The following SEZ6L variants were observed in gnomAD, a reference collection of about 807,000 sequenced individuals.
SEZ6L encodes seizure 6-like protein.
Under a neutral mutation model 106.2 loss-of-function variants are expected in SEZ6L, and 37 were observed. The observed-to-expected ratio is 0.35, with a 90% confidence interval of 0.27 to 0.46. The LOEUF (loss-of-function observed/expected upper bound fraction) is 0.46. Ranked by LOEUF, SEZ6L falls within the 20% of genes least tolerant of loss-of-function variation. The pLI, the probability that SEZ6L is intolerant of heterozygous loss-of-function variation, is 1.00. For missense variants in SEZ6L, 1,172 were observed against 1,332.8 expected (o/e 0.88, Z 1.88); for synonymous variants, 541 against 570.4 (o/e 0.95, Z 0.73).
chr22:26,355,363 G>T (rs2083407838), intron 12 of SEZ6L, among the ~76,000 whole-genome samples: 1 of 152,178 alleles, frequency 6.6e-6, no homozygotes, highest in Non-Finnish European at 1.5e-5. Flanking sequence ...TCAGCTTTTG[G>T]GCAAACCTCT....
At chr22:26,266,578 T>A (rs1258384376) in intron 1 of SEZ6L, among the ~76,000 whole-genome samples, 1 of 11,070 alleles carries the variant, frequency 9.0e-5, no homozygotes, top group Non-Finnish European at 1.7e-4. Context: ...GTCTCAAAAA[T>A]AAATAAATAA....
chr22:26,323,030 G>A (rs985048010), intron 9 of SEZ6L, among the ~76,000 whole-genome samples: 2 of 152,230 alleles, frequency 1.3e-5, no homozygotes, highest in African/African-American at 4.8e-5. Flanking sequence ...AGATCCGAGA[G>A]GGGCCCCAAG....
intron 1 of SEZ6L, among the ~76,000 whole-genome samples, chr22:26,193,930 G>T (rs866760488): frequency 2.0e-5 from 3 of 152,210 alleles, no homozygotes; most frequent in Non-Finnish European, 2.9e-5. Flanking sequence ...GAGACTTAGA[G>T]GCTGGGGGGA....
rs1321308503 is a variant in SEZ6L at position 26,328,691 on chromosome 22, CA to C, written c.2016-11744del. On this transcript the variant is annotated intron_variant, in intron 9 of 16. Coordinates refer to ENST00000248933, the MANE Select transcript of SEZ6L (RefSeq NM_021115.5). ...GCTTGAGCTGCCCGTGGGGCAGGCC[CA>C]GGGGGACGGCAGGCCGAGAGCAGGA... is the stretch of plus-strand genomic sequence containing the variant. Among the ~76,000 whole-genome samples, 3 of 152,152 alleles carry C rather than the reference CA, an allele frequency of 2.0e-5. No individual in the cohort carries two copies. The East Asian group carries it at 5.8e-4, about 29-fold the overall frequency.
At chr22:26,268,345 T>A (rs759553771) in intron 1 of SEZ6L, among the ~76,000 whole-genome samples, 4 of 152,162 alleles carry the variant, frequency 2.6e-5, no homozygotes, top group Non-Finnish European at 4.4e-5. Context: ...AGGCATCTTG[T>A]TTAGCCTAGC....
intron 1 of SEZ6L, among the ~76,000 whole-genome samples, chr22:26,276,127 T>G (rs959829571): frequency 1.3e-5 from 2 of 152,222 alleles, no homozygotes; most frequent in Non-Finnish European, 2.9e-5. Context: ...CTGTCCCTGT[T>G]GTGTCTAAAG....
At chr22:26,378,065 G>A (rs868303724) in intron 16 of SEZ6L, among the ~76,000 whole-genome samples, 5 of 151,788 alleles carry the variant, frequency 3.3e-5, no homozygotes, top group Non-Finnish European at 5.9e-5. Context: ...GTGGCCTGGT[G>A]GCAACGTGCT....
At chr22:26,340,001 G>A (rs778176588) in intron 9 of SEZ6L, among the ~76,000 whole-genome samples, 2 of 152,168 alleles carry the variant, frequency 1.3e-5, no homozygotes, top group African/African-American at 2.4e-5. Context: ...TTGGGAGGCC[G>A]AGGTGGGCAG....
chr22:26,253,465 G>A (rs934621853), intron 1 of SEZ6L, among the ~76,000 whole-genome samples: 3 of 152,026 alleles, frequency 2.0e-5, no homozygotes, highest in Non-Finnish European at 4.4e-5. Context: ...CTTTCTCAAC[G>A]TTTTCACCTA....
rs181713309 is a variant in SEZ6L, at chr22:26,322,554, G to C, written c.2015+8652G>C. ...GAATTATGGAAATATCCCTGAGAAG[G>C]TGACATCCAGAAGGAATCTTGAAGA... is the stretch of plus-strand genomic sequence containing the variant. On this transcript the variant is annotated intron_variant, in intron 9 of 16. Coordinates refer to ENST00000248933, the MANE Select transcript of SEZ6L (RefSeq NM_021115.5). Among the ~76,000 whole-genome samples, 30 of 152,320 alleles carry C rather than the reference G, an allele frequency of 2.0e-4. No individual in the cohort carries two copies. In the East Asian group the frequency reaches 3.3e-3, roughly 17 times the overall value.
chr22:26,376,424 G>A (rs2084225845), intron 15 of SEZ6L, among the ~76,000 whole-genome samples: 1 of 152,074 alleles, frequency 6.6e-6, no homozygotes. Flanking sequence ...TGACATTTGA[G>A]CAAGGACTTG....
At chr22:26,361,523 AT>A (rs58192927) in intron 12 of SEZ6L, among the ~76,000 whole-genome samples, 17,403 of 95,232 alleles carry the variant, frequency 0.18, 1,180 homozygotes, top group South Asian at 0.3. Flanking sequence ...AAAAAAAAAT[AT>A]ATATATATAT....
chr22:26,253,565 T>C lies in SEZ6L; in HGVS notation c.95-38841T>C, dbSNP rs959327872. Among the ~76,000 whole-genome samples the C allele has an allele frequency of 2.0e-5, 3 of 152,344 alleles. 1 individual carries two copies. The South Asian group carries it at 6.2e-4, about 32-fold the overall frequency. On this transcript the variant is annotated intron_variant, in intron 1 of 16. Transcript: ENST00000248933. ...TGCCGAGCTCATTGCTTGTACAAAA[T>C]AGATGCCCAGAAAATGCTTGTTGAA...
chr22:26,271,644 G>T (rs1249086225), intron 1 of SEZ6L, among the ~76,000 whole-genome samples: 1 of 152,102 alleles, frequency 6.6e-6, no homozygotes, highest in South Asian at 2.1e-4. Flanking sequence ...TCTCTCTCTT[G>T]TTTCTGTTCT....
chr22:26,300,930 TGACA>T (rs1243070774), intron 5 of SEZ6L, among the ~76,000 whole-genome samples: 5 of 152,300 alleles, frequency 3.3e-5, no homozygotes, highest in African/African-American at 1.2e-4. Flanking sequence ...TTTCACTTAC[TGACA>T]GTGTTATTTG....
intron 12 of SEZ6L, among the ~76,000 whole-genome samples, chr22:26,351,897 ACCTG>A (rs1014957216): frequency 4.4e-4 from 66 of 151,170 alleles, no homozygotes; most frequent in African/African-American, 1.6e-3. Context: ...GGTGGCTCAC[ACCTG>A]TAATCCCAGC....
intron 13 of SEZ6L, among the ~76,000 whole-genome samples, chr22:26,366,375 T>C (rs1376710406): frequency 6.6e-6 from 1 of 151,498 alleles, no homozygotes; most frequent in Non-Finnish European, 1.5e-5. Context: ...TTATCATATA[T>C]CACAATTATG....
chr22:26,241,518 A>G (rs970579857), intron 1 of SEZ6L: 1 of 152,204 alleles, frequency 6.6e-6, no homozygotes, highest in Non-Finnish European at 1.5e-5. Context: ...GCCCCAGCAT[A>G]TTAAACAGCC....
intron 1 of SEZ6L, among the ~76,000 whole-genome samples, chr22:26,218,140 T>G (rs949397289): frequency 2.0e-5 from 3 of 152,242 alleles, no homozygotes; most frequent in African/African-American, 7.2e-5. Context: ...ATTGAGGACA[T>G]GCTTTGTGTC....
Sources: gnomAD v4.1 joint callset for allele counts (sites outside exome capture counted in the v4.1 genomes callset) on GRCh38, gnomAD v4.1.1 for gene constraint, MANE v1.5 for transcripts, NCBI Gene and HGNC (gene_info 2026-07-23, HGNC 2026-07-21) for gene names.